COLEC12: variants seen among roughly 807,000 people sequenced by gnomAD.
The protein encoded by COLEC12 is collectin-12.
In COLEC12, 33 loss-of-function variants were observed where a neutral mutation model predicts 71.1. That is an observed-to-expected ratio of 0.46 (90% confidence interval 0.35 to 0.62). The LOEUF is 0.62. Among genes scored for constraint, COLEC12 ranks in the 20% least tolerant of loss-of-function variants. COLEC12 has a pLI of 0.00. For missense variants in COLEC12, 765 were observed against 916.1 expected (o/e 0.84, Z 2.13); for synonymous variants, 350 against 353.0 (o/e 0.99, Z 0.10).
chr18:447,914 G>A (rs1386888794), intron 2 of COLEC12, among the ~76,000 whole-genome samples: 1 of 152,164 alleles, frequency 6.6e-6, no homozygotes, highest in Admixed American at 6.5e-5. Flanking sequence ...ATCACTTTCA[G>A]AATTCTTTTC....
At chr18:387,781 A>G (rs1193192064) in intron 2 of COLEC12, among the ~76,000 whole-genome samples, 1 of 152,172 alleles carries the variant, frequency 6.6e-6, no homozygotes, top group Non-Finnish European at 1.5e-5. Flanking sequence ...TCACTGTATA[A>G]CCCAGTGTGT....
chr18:318,174 G>T lies in COLEC12; in HGVS notation c.*1871C>A, dbSNP rs1351012252. The T allele has an allele frequency of 6.6e-6, 1 of 151,778 alleles. No homozygotes were observed. Among genetic ancestry groups the T allele is most frequent in the African/African-American group, 2.4e-5 (1 of 41,308 alleles). The allele number at this position is 151,778 out of a possible 1,614,324, so 9.4% of individuals were successfully genotyped here. A position where few individuals can be genotyped will look rare whatever the true frequency, so the allele number is the denominator to read the frequency against. The stretch of plus-strand genomic sequence containing the variant: ...TTTTTGTATTTTTAGTAGAGACGGG[G>T]TTTCACCGTGTTAGCCAGGATGGTC... On this transcript the variant is annotated 3_prime_UTR_variant, in exon 10 of 10. Coordinates refer to ENST00000400256, the MANE Select transcript of COLEC12 (RefSeq NM_130386.3).
chr18:381,211 T>C (rs1915225220), intron 2 of COLEC12, among the ~76,000 whole-genome samples: 2 of 152,172 alleles, frequency 1.3e-5, no homozygotes, highest in South Asian at 4.1e-4. Context: ...CAAGAGTCAA[T>C]TGTATTGAGA....
At position 346,968 on chromosome 18, in the gene COLEC12, G is replaced by A; in HGVS notation, c.654C>T (p.Asn218=). ...CAGACCGCTGCAGATTCGTGATGAGGTTCCTCTGCTGCACCTGGGTCAGGT... is the reference window on the plus strand; with the variant it reads ...CAGACCGCTGCAGATTCGTGATGAGATTCCTCTGCTGCACCTGGGTCAGGT... ...NLNLTQVQQR[N]LITNLQRSVD... is the part of the protein sequence containing the mutation. Residue 218 remains asparagine, a synonymous_variant, in exon 5 of 10, where the codon AAC becomes AAT. Coordinates refer to ENST00000400256, the MANE Select transcript of COLEC12 (RefSeq NM_130386.3). The surrounding 1 kb of genome is among the most constrained non-coding windows in gnomAD (Gnocchi z 4.0). 1.2e-6 allele frequency: 2 copies of A among 1,614,200 alleles called. No homozygotes were observed. The highest frequency in any genetic ancestry group is 1.7e-4 in the Middle Eastern group (1 of 6,060).
At chr18:493,744 A>C (rs1263698597) in intron 1 of COLEC12, among the ~76,000 whole-genome samples, 1 of 152,276 alleles carries the variant, frequency 6.6e-6, no homozygotes, top group Non-Finnish European at 1.5e-5. Context: ...CCCAATTATA[A>C]ATAATAAAAC....
chr18:400,161 G>T (rs1217825834), intron 2 of COLEC12, among the ~76,000 whole-genome samples: 1 of 152,044 alleles, frequency 6.6e-6, no homozygotes, highest in Non-Finnish European at 1.5e-5. Context: ...AGATGGAAAG[G>T]GTCCTGAAAA....
chr18:419,382 T>C (rs909950886), intron 2 of COLEC12, among the ~76,000 whole-genome samples: 1 of 152,132 alleles, frequency 6.6e-6, no homozygotes, highest in Admixed American at 6.5e-5. Context: ...ATTTTTGTAA[T>C]TGTAGTAGAG....
chr18:493,041 A>G (rs888508797), intron 1 of COLEC12, among the ~76,000 whole-genome samples: 1 of 152,178 alleles, frequency 6.6e-6, no homozygotes, highest in Non-Finnish European at 1.5e-5. Context: ...TGTCTCTACA[A>G]AACATACAAA....
At chr18:345,393 T>G (rs1914348924) in intron 5 of COLEC12, among the ~76,000 whole-genome samples, 1 of 152,210 alleles carries the variant, frequency 6.6e-6, no homozygotes, top group South Asian at 2.1e-4. Flanking sequence ...ATTTGTTTAT[T>G]TAGGAGATGG....
chr18:357,548 A>G (rs1914655765), intron 2 of COLEC12, 26 bp from the exon 3 acceptor site: 2 of 1,506,062 alleles, frequency 1.3e-6, no homozygotes, highest in Non-Finnish European at 1.8e-6. Context: ...AATTTTAATA[A>G]CAGTAAGCAA....
Position 500,556 on chromosome 18 carries a change from G to A in COLEC12, c.-42C>T. On this transcript the variant is annotated 5_prime_UTR_variant, in exon 1 of 10. Coordinates refer to ENST00000400256, the MANE Select transcript of COLEC12 (RefSeq NM_130386.3). The surrounding 1 kb of genome is among the most constrained non-coding windows in gnomAD (Gnocchi z 5.3). ...CACCGCCGGCCGGGGAGCTCCGCGC[G>A]AGCGCCGCGCAGCCGAGGAAGTCGT... 1 of 1,218,982 alleles carries A rather than the reference G, an allele frequency of 8.2e-7. No homozygotes were observed. Among genetic ancestry groups the A allele is most frequent in the Non-Finnish European group, 1.0e-6 (1 of 979,910 alleles). The allele number at this position is 1,218,982 out of a possible 1,614,324, so 75.5% of individuals were successfully genotyped here.
rs764058107 is a variant in COLEC12 at position 346,968 on chromosome 18, G to T, written c.654C>A (p.Asn218Lys). ...NLNLTQVQQR[N>K]LITNLQRSVD... Reference sequence around the variant, plus strand: ...CAGACCGCTGCAGATTCGTGATGAGGTTCCTCTGCTGCACCTGGGTCAGGT... The same window carrying T: ...CAGACCGCTGCAGATTCGTGATGAGTTTCCTCTGCTGCACCTGGGTCAGGT... Residue 218 changes from asparagine to lysine, a missense_variant, in exon 5 of 10, where the codon AAC becomes AAA. Physicochemically the swap from Asn to Lys is moderately conservative, Grantham distance 94. Coordinates refer to ENST00000400256, the MANE Select transcript of COLEC12 (RefSeq NM_130386.3). The surrounding 1 kb of genome is among the most constrained non-coding windows in gnomAD (Gnocchi z 4.0). 7 of 1,614,200 alleles carry T rather than the reference G, an allele frequency of 4.3e-6. No homozygotes were observed. Among genetic ancestry groups the T allele is most frequent in the Non-Finnish European group, 5.9e-6 (7 of 1,180,034 alleles).
intron 2 of COLEC12, among the ~76,000 whole-genome samples, chr18:360,713 C>T (rs190242845): frequency 1.9e-4 from 29 of 152,266 alleles, no homozygotes; most frequent in African/African-American, 7.0e-4. Flanking sequence ...GACCACACTT[C>T]GAGGAGCAAG....
intron 1 of COLEC12, among the ~76,000 whole-genome samples, chr18:481,333 C>A (rs1479008057): frequency 9.0e-6 from 1 of 110,608 alleles, no homozygotes; most frequent in Non-Finnish European, 2.5e-5. Context: ...CTGGGACCAA[C>A]CGATGGTTTC....
At chr18:461,693 A>AT (rs36064555) in intron 2 of COLEC12, among the ~76,000 whole-genome samples, 5 of 151,566 alleles carry the variant, frequency 3.3e-5, no homozygotes, top group Admixed American at 2.0e-4. Context: ...CGGCTAAGAG[A>AT]TTTTTTTTTT....
chr18:499,676 G>A (rs1322799815), intron 1 of COLEC12, among the ~76,000 whole-genome samples: 31 of 152,356 alleles, frequency 2.0e-4, no homozygotes, highest in East Asian at 1.9e-4. Context: ...CTCCGCTGCG[G>A]TTACTTATCT....
At chr18:333,217 A>C (rs1242961124) in intron 6 of COLEC12, 74 bp from the exon 7 acceptor site, 1 of 1,348,022 alleles carries the variant, frequency 7.4e-7, no homozygotes, top group African/African-American at 1.5e-5. Context: ...GCTGTGTTTC[A>C]GAGGCCAAAA....
chr18:409,930 C>T (rs1915861375), intron 2 of COLEC12, among the ~76,000 whole-genome samples: 2 of 152,074 alleles, frequency 1.3e-5, no homozygotes, highest in South Asian at 4.1e-4. Flanking sequence ...AGGCATGTGG[C>T]GGGGAGAAAA....
rs1913615570 is a variant in COLEC12, at chr18:318,791, CTGGAAAGGTTCTTTTAAGAG to C, written c.*1234_*1253del. 6.6e-6 allele frequency: 1 copy of C among 152,226 alleles called. No individual in the cohort carries two copies. Among genetic ancestry groups the C allele is most frequent in the African/African-American group, 2.4e-5 (1 of 41,438 alleles). 9.4% of individuals were successfully genotyped at this position (152,226 alleles called of 1,614,324 possible). A position where few individuals can be genotyped will look rare whatever the true frequency, so the allele number is the denominator to read the frequency against. ...TACAGGCATGAGCCACTGCGCCCGG[CTGGAAAGGTTCTTTTAAGAG>C]TTCCACAAAGTGGCCAAAAGTTTAT... is the stretch of plus-strand genomic sequence containing the variant. On this transcript the variant is annotated 3_prime_UTR_variant, in exon 10 of 10. Transcript: ENST00000400256.
Sources: gnomAD v4.1 joint callset for allele counts (sites outside exome capture counted in the v4.1 genomes callset) on GRCh38, gnomAD v4.1.1 for gene constraint, Gnocchi (gnomAD v3.1) non-coding constraint, MANE v1.5 for transcripts, NCBI Gene and HGNC (gene_info 2026-07-23, HGNC 2026-07-21) for gene names.